Variants in CSF1R observed in about 807,000 individuals in gnomAD.
CSF1R encodes colony stimulating factor 1 receptor.
In CSF1R, 40 loss-of-function variants were observed where a neutral mutation model predicts 110.0. The observed-to-expected ratio is 0.36, with a 90% CI of 0.28 to 0.47. The LOEUF is 0.47. Ranked by LOEUF, CSF1R falls within the 20% of genes least tolerant of loss-of-function variation. The probability of loss-of-function intolerance (pLI) is 0.99; values close to 1 mark genes in which losing one functional copy is unlikely to be tolerated. For missense variants in CSF1R, 1,052 were observed against 1,253.0 expected (o/e 0.84, Z 2.42); for synonymous variants, 523 against 503.4 (o/e 1.04, Z -0.52).
chr5:150,080,082 A>G lies in CSF1R; in HGVS notation c.562T>C (p.Ser188Pro). 1 of 1,614,060 alleles carries G rather than the reference A, an allele frequency of 6.2e-7. No individual in the cohort carries two copies. Among genetic ancestry groups the G allele is most frequent in the Non-Finnish European group, 8.5e-7 (1 of 1,179,978 alleles). The change falls in exon 3 of 21, where the codon TCC (serine) becomes CCC (proline). Residue 188 changes from serine to proline, a missense_variant. Around this residue, in one of 5 missense-constraint regions of CSF1R, gnomAD observed 693 missense variants for 735.4 expected, o/e 0.94. Transcript: ENST00000675795. ...SALMGGRKVM[S>P]ISIRLKVQKV... is the part of the protein sequence containing the mutation. ...TGCACTTTCAGCCGGATGCTGATGG[A>G]CATCACCTTCCTGCCACCCATCAGG...
At chr5:150,063,895 C>G (rs1052807593) in intron 10 of CSF1R, among the ~76,000 whole-genome samples, 13 of 152,260 alleles carry the variant, frequency 8.5e-5, no homozygotes, top group African/African-American at 3.1e-4. Context: ...CTTCCCTGGG[C>G]ACCCGAGCTA....
intron 1 of CSF1R, among the ~76,000 whole-genome samples, chr5:150,084,527 A>G (rs1325067794): frequency 6.6e-6 from 1 of 150,906 alleles, no homozygotes; most frequent in Admixed American, 6.6e-5. Context: ...ATCTCAGCTC[A>G]CTGCAACCTC....
Position 150,080,470 on chromosome 5 carries a change from C to T in CSF1R, c.308-134G>A, listed in dbSNP as rs148183031. 418 of 1,241,660 alleles carry T rather than the reference C, an allele frequency of 3.4e-4. 1 individual carries two copies. In the African/African-American group the frequency reaches 3.9e-3, roughly 12 times the overall value. 76.9% of individuals were successfully genotyped at this position (1,241,660 alleles called of 1,614,324 possible). A position where few individuals can be genotyped will look rare whatever the true frequency, so the allele number is the denominator to read the frequency against. On this transcript the variant is annotated intron_variant, in intron 2 of 20. Coordinates refer to ENST00000675795, the MANE Select transcript of CSF1R (RefSeq NM_001288705.3). ...GTCACACCACGCCAGGACAGTTCAG[C>T]GGATGCTTCAGCGTGGTGGCTCCAG...
At chr5:150,090,147 C>T (rs1406750367), upstream of CSF1R, among the ~76,000 whole-genome samples, 1 of 152,062 alleles carries the variant, frequency 6.6e-6, no homozygotes, top group Non-Finnish European at 1.5e-5. Flanking sequence ...TTTCTAAAAG[C>T]ACAAGCAACC....
chr5:150,110,194 T>C (rs1312015433), intron 1 of CSF1R, among the ~76,000 whole-genome samples: 1 of 152,158 alleles, frequency 6.6e-6, no homozygotes, highest in Non-Finnish European at 1.5e-5. Context: ...CTCATGCTCC[T>C]GCTCTTTTTT....
chr5:150,107,658 A>G (rs1315138302), intron 1 of CSF1R, among the ~76,000 whole-genome samples: 1 of 152,232 alleles, frequency 6.6e-6, no homozygotes, highest in Non-Finnish European at 1.5e-5. Flanking sequence ...TCTTTCATCA[A>G]TGGCAGGGGC....
In CSF1R at chr5:150,070,239, G is replaced by A. The variant is rs1757973928; in HGVS notation, c.1262C>T (p.Ala421Val). 1 of 1,614,026 alleles carries A rather than the reference G, an allele frequency of 6.2e-7. No homozygotes were observed. The highest frequency in any genetic ancestry group is 1.7e-5 in the Admixed American group (1 of 60,004). The change falls in exon 8 of 21, where the codon GCC (alanine) becomes GTC (valine). Residue 421 changes from alanine (A) to valine (V), a missense_variant. By Grantham distance (64) the Ala-to-Val change is moderately conservative. This residue lies in a region of CSF1R where 693 missense variants were observed against 735.4 expected (regional missense o/e 0.94). Coordinates refer to ENST00000675795, the MANE Select transcript of CSF1R (RefSeq NM_001288705.3). ...INGSGTLLCAASGYPQPNVTW... is the reference protein window; with the variant it reads ...INGSGTLLCAVSGYPQPNVTW... Reference sequence around the variant, plus strand: ...CACGTTGGGCTGGGGGTACCCAGAGGCAGCACACAAAAGGGTGCCAGAGCC... The same window carrying A: ...CACGTTGGGCTGGGGGTACCCAGAGACAGCACACAAAAGGGTGCCAGAGCC...
upstream of CSF1R, among the ~76,000 whole-genome samples, chr5:150,090,274 A>G (rs1350208624): frequency 2.6e-5 from 4 of 152,246 alleles, no homozygotes; most frequent in East Asian, 7.7e-4. Context: ...TATATCCAGA[A>G]TATATACAGA....
chr5:150,059,583 G>A (rs1296302876), intron 14 of CSF1R, 117 bp downstream of exon 14: 5 of 1,226,794 alleles, frequency 4.1e-6, no homozygotes, highest in Non-Finnish European at 5.8e-6. Flanking sequence ...ACAGGTGGCA[G>A]GTGAGGGCTG....
intron 1 of CSF1R, among the ~76,000 whole-genome samples, chr5:150,100,084 G>A (rs11746309): frequency 0.28 from 42,989 of 151,764 alleles, 6,195 homozygotes; most frequent in East Asian, 0.43. Flanking sequence ...ACTGTGGGAC[G>A]CACCCGTGCC....
intron 1 of CSF1R, among the ~76,000 whole-genome samples, chr5:150,084,266 G>A (rs1038648081): frequency 1.3e-5 from 2 of 151,248 alleles, no homozygotes; most frequent in Admixed American, 1.3e-4. Context: ...GGAGGCGGAG[G>A]TTGCAGTGAG....
chr5:150,088,143 GTATATT>G (rs1404496103), upstream of CSF1R, among the ~76,000 whole-genome samples: 5 of 152,162 alleles, frequency 3.3e-5, no homozygotes, highest in Non-Finnish European at 5.9e-5. Context: ...GTGTTTGTAT[GTATATT>G]TATGAGTGTA....
At chr5:150,061,130 C>A (rs528454617) in intron 12 of CSF1R, among the ~76,000 whole-genome samples, 158 bp from the exon 13 acceptor site, 72 of 152,280 alleles carry the variant, frequency 4.7e-4, no homozygotes, top group African/African-American at 1.5e-3. Context: ...AGGAAAAATG[C>A]AGACACACAG....
At chr5:150,095,321 G>A (rs1179122919) in intron 1 of CSF1R, among the ~76,000 whole-genome samples, 1 of 152,066 alleles carries the variant, frequency 6.6e-6, no homozygotes, top group Non-Finnish European at 1.5e-5. Flanking sequence ...AACAATTGCA[G>A]AATACACATT....
At chr5:150,103,600 CAT>C (rs1759465491) in intron 1 of CSF1R, among the ~76,000 whole-genome samples, 1 of 152,230 alleles carries the variant, frequency 6.6e-6, no homozygotes, top group African/African-American at 2.4e-5. Flanking sequence ...AGTGTTGTAA[CAT>C]AAGCACAATC....
chr5:150,086,656 A>T (rs2113846599), upstream of CSF1R: 1 of 513,280 alleles, frequency 1.9e-6, no homozygotes, highest in East Asian at 3.0e-5. Flanking sequence ...TTTAAGAAGA[A>T]AACAAAGCCT....
rs78088257 is a variant in CSF1R, at chr5:150,071,885, C to T, written c.1083-1314G>A. ...GAGGAGGAAGATGAGGACAAGAAAACATCCTTGTTGCTTCTGACAATTGAC... is the reference window on the plus strand; with the variant it reads ...GAGGAGGAAGATGAGGACAAGAAAATATCCTTGTTGCTTCTGACAATTGAC... On this transcript the variant is annotated intron_variant, in intron 6 of 20. Transcript: ENST00000675795. 2.2e-3 allele frequency among the ~76,000 whole-genome samples: 342 copies of T among 152,332 alleles called. 2 individuals carry two copies. Among genetic ancestry groups the T allele is most frequent in the Non-Finnish European group, 3.9e-3 (264 of 68,036 alleles).
chr5:150,072,730 G>A (rs1203211192), intron 6 of CSF1R, among the ~76,000 whole-genome samples: 1 of 152,146 alleles, frequency 6.6e-6, no homozygotes, highest in African/African-American at 2.4e-5. Flanking sequence ...GGAAGAAGAG[G>A]GGTGTGGAGT....
chr5:150,079,479 C>T (rs775605674), intron 3 of CSF1R, among the ~76,000 whole-genome samples: 3 of 152,236 alleles, frequency 2.0e-5, no homozygotes, highest in Non-Finnish European at 4.4e-5. Flanking sequence ...ACCGCGAGAG[C>T]CATCACACGC....
Sources: allele counts gnomAD v4.1 joint callset (sites outside exome capture counted in the v4.1 genomes callset), GRCh38; gene constraint gnomAD v4.1.1; regional missense constraint gnomAD v4.1.1; transcripts MANE v1.5; gene names NCBI Gene and HGNC (gene_info 2026-07-23, HGNC 2026-07-21).